CGGBP1: variants seen among roughly 807,000 people sequenced by gnomAD.
CGGBP1 encodes the protein CGG triplet repeat-binding protein 1.
Under a neutral mutation model 11.4 loss-of-function variants are expected in CGGBP1, and 4 were observed. That is an observed-to-expected ratio of 0.35 (90% confidence interval 0.17 to 0.80). CGGBP1 has a LOEUF of 0.80. Ranked by LOEUF, CGGBP1 falls within the 30% of genes least tolerant of loss-of-function variation. The pLI is 0.52. For missense variants in CGGBP1, 135 were observed against 202.1 expected (o/e 0.67, Z 2.01); for synonymous variants, 76 against 74.1 (o/e 1.03, Z -0.13).
chr3:88,142,190 A>G (rs934350342), intron 1 of CGGBP1: 4 of 152,396 alleles, frequency 2.6e-5, no homozygotes, highest in African/African-American at 9.7e-5. Flanking sequence ...CTTATACATT[A>G]ACTTACCACA....
chr3:88,090,507 G>C, intron 2 of CGGBP1, among the ~76,000 whole-genome samples: 1 of 151,904 alleles, frequency 6.6e-6, no homozygotes, highest in East Asian at 1.9e-4. Context: ...TTACAAAATA[G>C]TCAAAAAGTT....
intron 2 of CGGBP1, among the ~76,000 whole-genome samples, chr3:88,082,542 T>C (rs1708133904): frequency 1.3e-5 from 2 of 152,238 alleles, no homozygotes; most frequent in Admixed American, 6.5e-5. Context: ...TGAAAGTTGA[T>C]GACAATGGGA....
At chr3:88,128,765 ATCTTT>A (rs1706270681) in intron 2 of CGGBP1, 1 of 1,355,800 alleles carries the variant, frequency 7.4e-7, no homozygotes, top group Non-Finnish European at 9.9e-7. Flanking sequence ...GTTTGAGAGA[ATCTTT>A]TCTTGAGAGT....
At chr3:88,128,168 C>G (rs1003139780) in intron 2 of CGGBP1, among the ~76,000 whole-genome samples, 1 of 151,780 alleles carries the variant, frequency 6.6e-6, no homozygotes, top group Admixed American at 6.6e-5. Context: ...GTTGTTAGGT[C>G]TAAATAAATT....
intron 2 of CGGBP1, among the ~76,000 whole-genome samples, chr3:88,122,719 A>C (rs1479950210): frequency 1.3e-5 from 2 of 152,128 alleles, no homozygotes; most frequent in African/African-American, 4.8e-5. Context: ...AGAAAAATAC[A>C]ATATGTATGG....
chr3:88,071,729 G>A (rs529786166), intron 2 of CGGBP1, among the ~76,000 whole-genome samples: 21 of 152,050 alleles, frequency 1.4e-4, no homozygotes, highest in African/African-American at 4.6e-4. Context: ...ACTTGAACCC[G>A]GGAGGCAGAG....
At chr3:88,117,533 A>G (rs564436683) in intron 2 of CGGBP1, among the ~76,000 whole-genome samples, 72 of 152,338 alleles carry the variant, frequency 4.7e-4, no homozygotes, top group African/African-American at 1.4e-3. Flanking sequence ...TCAGGACAAC[A>G]AAGTAGTATG....
At chr3:88,102,817 CTTTTTT>C (rs10701359) in intron 2 of CGGBP1, among the ~76,000 whole-genome samples, 6 of 106,548 alleles carry the variant, frequency 5.6e-5, no homozygotes, top group Admixed American at 1.1e-4. Context: ...CCTCTACTGT[CTTTTTT>C]TTTTTTTTTT....
chr3:88,075,661 A>G (rs191324074), intron 2 of CGGBP1, among the ~76,000 whole-genome samples: 105 of 152,240 alleles, frequency 6.9e-4, no homozygotes, highest in African/African-American at 2.4e-3. Flanking sequence ...CATTTCTTTC[A>G]GCAATAGTAG....
chr3:88,146,261 CAATAAAGTTCTTTGT>C (rs556736609), intron 1 of CGGBP1, among the ~76,000 whole-genome samples: 45 of 152,182 alleles, frequency 3.0e-4, no homozygotes, highest in Non-Finnish European at 5.1e-4. Context: ...AGAACTAAAG[CAATAAAGTTCTTTGT>C]ATTTCCCTGG....
chr3:88,145,860 C>T (rs2107920024), intron 1 of CGGBP1, among the ~76,000 whole-genome samples: 1 of 152,238 alleles, frequency 6.6e-6, no homozygotes, highest in East Asian at 1.9e-4. Context: ...TCTTTAGACA[C>T]CAAAGCTCAG....
At chr3:88,097,162 T>C (rs1392931164) in intron 2 of CGGBP1, among the ~76,000 whole-genome samples, 1 of 152,152 alleles carries the variant, frequency 6.6e-6, no homozygotes, top group African/African-American at 2.4e-5. Context: ...ACAAGGGTAT[T>C]TGTATATCTT....
chr3:88,080,843 G>A (rs1708040241), intron 2 of CGGBP1, among the ~76,000 whole-genome samples: 1 of 152,148 alleles, frequency 6.6e-6, no homozygotes. Flanking sequence ...TTTTAAAACT[G>A]AACTAATTTT....
chr3:88,114,407 G>T (rs2107771995), intron 2 of CGGBP1, among the ~76,000 whole-genome samples: 1 of 152,288 alleles, frequency 6.6e-6, no homozygotes, highest in Non-Finnish European at 1.5e-5. Flanking sequence ...CATAACATTT[G>T]TGAAGGGATA....
chr3:88,113,917 T>C (rs1705241080), intron 2 of CGGBP1, among the ~76,000 whole-genome samples: 1 of 152,210 alleles, frequency 6.6e-6, no homozygotes, highest in East Asian at 1.9e-4. Flanking sequence ...TAACCATTCT[T>C]ACCTTCAGCA....
At chr3:88,144,012 T>G (rs1244652245) in intron 1 of CGGBP1, 1 of 152,350 alleles carries the variant, frequency 6.6e-6, no homozygotes, top group East Asian at 1.9e-4. Context: ...TTTTTTTCTG[T>G]TTTGAGGATG....
At chr3:88,142,449 A>AT (rs1707179420) in intron 1 of CGGBP1, 1 of 152,402 alleles carries the variant, frequency 6.6e-6, no homozygotes, top group African/African-American at 2.4e-5. Context: ...AAGGAATCTA[A>AT]GACTTTACAG....
chr3:88,078,370 T>G (rs1291860310), intron 2 of CGGBP1, among the ~76,000 whole-genome samples: 3 of 152,184 alleles, frequency 2.0e-5, no homozygotes, highest in African/African-American at 7.2e-5. Context: ...GTTAAACGTA[T>G]TAAAGCCCAA....
At chr3:88,095,822 C>T (rs975330221) in intron 2 of CGGBP1, 1 of 451,592 alleles carries the variant, frequency 2.2e-6, no homozygotes, top group Admixed American at 3.0e-5. Flanking sequence ...TCTCAGATTC[C>T]CAAGTATTGT....
Sources: allele counts gnomAD v4.1 joint callset (sites outside exome capture counted in the v4.1 genomes callset), GRCh38; gene constraint gnomAD v4.1.1; transcripts MANE v1.5; gene names NCBI Gene and HGNC (gene_info 2026-07-23, HGNC 2026-07-21).